The following PPP2R2B variants were observed in gnomAD, a reference collection of about 807,000 sequenced individuals.
PPP2R2B encodes the protein protein phosphatase 2 regulatory subunit Bbeta, also known as serine/threonine-protein phosphatase 2A 55 kDa regulatory subunit B beta isoform.
In PPP2R2B, 5 loss-of-function variants were observed where a neutral mutation model predicts 46.0. That is an observed-to-expected ratio of 0.11 (90% CI 0.06 to 0.23). The LOEUF (loss-of-function observed/expected upper bound fraction) is 0.23, where lower values mean the gene tolerates loss of function less well. PPP2R2B is among the 10% of genes least tolerant of loss of function. PPP2R2B has a pLI of 1.00. For missense variants in PPP2R2B, 367 were observed against 575.0 expected (o/e 0.64, Z 3.70); for synonymous variants, 215 against 206.7 (o/e 1.04, Z -0.34).
intron 7 of PPP2R2B, among the ~76,000 whole-genome samples, chr5:146,628,138 T>G (rs1337262897): frequency 9.9e-5 from 15 of 152,136 alleles, no homozygotes; most frequent in Admixed American, 9.2e-4. Flanking sequence ...AGAGACAGGG[T>G]TTCACCTTGT....
chr5:146,901,860 C>A (rs1762846876), intron 1 of PPP2R2B, among the ~76,000 whole-genome samples: 1 of 152,092 alleles, frequency 6.6e-6, no homozygotes. Flanking sequence ...AGTGCAAACA[C>A]CTCAAGATGG....
chr5:147,070,403 C>T (rs1333100497), intron 2 of PPP2R2B, among the ~76,000 whole-genome samples: 1 of 152,108 alleles, frequency 6.6e-6, no homozygotes, highest in Non-Finnish European at 1.5e-5. Context: ...TACTTGAAAC[C>T]TTGAGCAAAA....
intron 1 of PPP2R2B, among the ~76,000 whole-genome samples, chr5:146,889,704 C>T (rs1026497186): frequency 4.6e-5 from 7 of 152,200 alleles, no homozygotes; most frequent in African/African-American, 1.7e-4. Flanking sequence ...AGTATAATCA[C>T]TTTCAGTGAG....
intron 1 of PPP2R2B, among the ~76,000 whole-genome samples, chr5:146,961,412 T>C (rs1465773751): frequency 6.6e-6 from 1 of 152,236 alleles, no homozygotes; most frequent in Non-Finnish European, 1.5e-5. Flanking sequence ...ATTCATGTAC[T>C]ATTTCACCAA....
chr5:146,751,676 A>T (rs996410576), intron 2 of PPP2R2B: 1 of 152,228 alleles, frequency 6.6e-6, no homozygotes, highest in Non-Finnish European at 1.5e-5. Flanking sequence ...TGGAGGAGGA[A>T]GACACACATA....
intron 2 of PPP2R2B, among the ~76,000 whole-genome samples, chr5:146,745,961 GA>G (rs5871991): frequency 0.83 from 121,709 of 146,850 alleles, 50,343 homozygotes; most frequent in Non-Finnish European, 0.86. Context: ...TGGTCTCAAA[GA>G]AAAAAAAAAA....
intron 1 of PPP2R2B, among the ~76,000 whole-genome samples, chr5:147,033,261 T>A (rs1195085497): frequency 6.6e-6 from 1 of 152,194 alleles, no homozygotes; most frequent in Non-Finnish European, 1.5e-5. Flanking sequence ...TAACCACCCA[T>A]GTGCATGGCT....
chr5:146,683,488 A>G (rs1778303245), intron 5 of PPP2R2B, among the ~76,000 whole-genome samples: 1 of 152,186 alleles, frequency 6.6e-6, no homozygotes, highest in African/African-American at 2.4e-5. Context: ...TAAGGATAAT[A>G]TCAGTGCCTA....
At chr5:146,726,686 A>G (rs189593127) in intron 2 of PPP2R2B, among the ~76,000 whole-genome samples, 2 of 152,228 alleles carry the variant, frequency 1.3e-5, no homozygotes, top group African/African-American at 4.8e-5. Context: ...TCCTTGAGTC[A>G]ATATCTTAAC....
At chr5:146,856,753 T>C (rs2151388407) in intron 2 of PPP2R2B, among the ~76,000 whole-genome samples, 1 of 152,262 alleles carries the variant, frequency 6.6e-6, no homozygotes, top group Non-Finnish European at 1.5e-5. Context: ...CAATCAACAC[T>C]GTAAAAGCTT....
intron 2 of PPP2R2B, among the ~76,000 whole-genome samples, chr5:147,076,807 A>T (rs913216605): frequency 3.3e-5 from 5 of 151,938 alleles, no homozygotes; most frequent in Non-Finnish European, 7.4e-5. Flanking sequence ...ATTTCTTGAG[A>T]GCTTGGACTA....
At chr5:146,672,693 C>T (rs322985) in intron 5 of PPP2R2B, among the ~76,000 whole-genome samples, 4,088 of 152,096 alleles carry the variant, frequency 0.027, 193 homozygotes, top group African/African-American at 0.094. Flanking sequence ...GATGGCAGAC[C>T]AACCTCCCTC....
rs1561495993 is a variant in PPP2R2B, at chr5:146,886,381, A to AATAAAGC, written c.79+169283_79+169284insGCTTTAT. 4.0e-5 allele frequency among the ~76,000 whole-genome samples: 6 copies of AATAAAGC among 151,490 alleles called. No homozygotes were observed. The East Asian group carries it at 7.7e-4, about 19-fold the overall frequency. On this transcript the variant is annotated intron_variant, in intron 1 of 8. Transcript: ENST00000336640. The stretch of plus-strand genomic sequence containing the variant: ...TAAATAAATAAATAATAAAACTAAA[A>AATAAAGC]TAAAATAAAATAAATTTGGAGCAAT...
intron 2 of PPP2R2B, among the ~76,000 whole-genome samples, chr5:146,861,119 G>A (rs1170906522): frequency 6.8e-6 from 1 of 147,098 alleles, no homozygotes; most frequent in Non-Finnish European, 1.5e-5. Context: ...GCAGTGGCGC[G>A]ATCTCGGCTC....
At chr5:147,042,349 A>AGTGTG (rs1208790859) in intron 1 of PPP2R2B, among the ~76,000 whole-genome samples, 2 of 152,052 alleles carry the variant, frequency 1.3e-5, no homozygotes, top group Non-Finnish European at 2.9e-5. Flanking sequence ...TTCGTTTCCA[A>AGTGTG]GTGTGGCGTT....
intron 2 of PPP2R2B, among the ~76,000 whole-genome samples, chr5:146,735,334 A>G (rs1180613485): frequency 6.8e-6 from 1 of 146,666 alleles, no homozygotes; most frequent in African/African-American, 2.5e-5. Context: ...AACCCCCCCC[A>G]CAATCCTTCT....
At chr5:146,597,985 C>CT (rs1771361370) in intron 8 of PPP2R2B, among the ~76,000 whole-genome samples, 1 of 152,220 alleles carries the variant, frequency 6.6e-6, no homozygotes, top group Non-Finnish European at 1.5e-5. Flanking sequence ...TCTCTAGTGG[C>CT]TTATTCCTAT....
chr5:147,004,263 C>T (rs1210396313), intron 1 of PPP2R2B, among the ~76,000 whole-genome samples: 5 of 139,096 alleles, frequency 3.6e-5, no homozygotes, highest in Non-Finnish European at 6.2e-5. Context: ...GAGGCAATCA[C>T]TAGAAGACAC....
rs1581916191 is a variant in PPP2R2B, at chr5:146,705,120, A to T, written c.71-3978T>A. 3.9e-5 allele frequency among the ~76,000 whole-genome samples: 6 copies of T among 152,196 alleles called. No homozygotes were observed. In the South Asian group the frequency reaches 1.0e-3, roughly 26 times the overall value. On this transcript the variant is annotated intron_variant, in intron 2 of 9. Coordinates refer to ENST00000394411, the MANE Select transcript of PPP2R2B (RefSeq NM_181675.4). ...TGACCTCTCAACATCAATCATAGAG[A>T]TGGAAATGCAAGGGTAATGCAATTT...
Sources: gnomAD v4.1 joint callset for allele counts (sites outside exome capture counted in the v4.1 genomes callset) on GRCh38, gnomAD v4.1.1 for gene constraint, MANE v1.5 for transcripts, NCBI Gene and HGNC (gene_info 2026-07-23, HGNC 2026-07-21) for gene names.